The following VPS45 variants were observed in gnomAD, a reference collection of about 807,000 sequenced individuals.
VPS45 encodes the protein vacuolar protein sorting-associated protein 45.
Under a neutral mutation model 75.9 loss-of-function variants are expected in VPS45, and 35 were observed. That is an observed-to-expected ratio of 0.46 (90% CI 0.35 to 0.61). The LOEUF is 0.61. Ranked by LOEUF, VPS45 falls within the 20% of genes least tolerant of loss-of-function variation. The pLI, the probability that VPS45 is intolerant of heterozygous loss-of-function variation, is 0.00. For synonymous variants in VPS45, 220 were observed against 238.2 expected, an observed-to-expected ratio of 0.92 and a Z score of 0.70; for missense variants, 559 against 685.9, an observed-to-expected ratio of 0.81 and a Z score of 2.07.
intron 10 of VPS45, among the ~76,000 whole-genome samples, chr1:150,086,308 C>CTAAT (rs1488259099): frequency 3.3e-5 from 5 of 152,146 alleles, no homozygotes; most frequent in Admixed American, 1.3e-4. Flanking sequence ...GTGCAATGAG[C>CTAAT]TAATACATGT....
At chr1:150,090,195 C>T (rs1296287023) in intron 10 of VPS45, among the ~76,000 whole-genome samples, 1 of 152,216 alleles carries the variant, frequency 6.6e-6, no homozygotes, top group Admixed American at 6.5e-5. Context: ...CCATTTCTTC[C>T]TCTGATTTCC....
At chr1:150,069,623 A>ATT (rs1309615849) in intron 2 of VPS45, among the ~76,000 whole-genome samples, 4 of 148,948 alleles carry the variant, frequency 2.7e-5, no homozygotes, top group African/African-American at 9.9e-5. Flanking sequence ...CGCCCGGCTA[A>ATT]TTTTTTGTAT....
chr1:150,119,194 C>A (rs1553809069), intron 14 of VPS45, among the ~76,000 whole-genome samples: 1 of 152,062 alleles, frequency 6.6e-6, no homozygotes, highest in Non-Finnish European at 1.5e-5. Flanking sequence ...ATGTAGGATA[C>A]CTTGGGTATT....
intron 14 of VPS45, among the ~76,000 whole-genome samples, chr1:150,119,820 A>T (rs1484852284): frequency 1.3e-5 from 2 of 152,072 alleles, no homozygotes; most frequent in Non-Finnish European, 2.9e-5. Flanking sequence ...TCTTAAATAA[A>T]ATCTGAGGCC....
chr1:150,068,031 G>C (rs1654823896), intron 1 of VPS45, 81 bp downstream of exon 1: 2 of 1,376,200 alleles, frequency 1.5e-6, no homozygotes, highest in African/African-American at 1.4e-5. Flanking sequence ...GTAGGACTTA[G>C]CATTTAATTA....
At chr1:150,136,582 A>G (rs1322578931) in intron 14 of VPS45, among the ~76,000 whole-genome samples, 1 of 152,096 alleles carries the variant, frequency 6.6e-6, no homozygotes, top group African/African-American at 2.4e-5. Context: ...AAAATTGAAA[A>G]GTGTTCATGT....
chr1:150,118,512 T>C (rs143912722), intron 14 of VPS45, among the ~76,000 whole-genome samples: 2,133 of 150,212 alleles, frequency 0.014, 48 homozygotes, highest in African/African-American at 0.047. Context: ...TTCAAGCAAT[T>C]CTCCTGCCTC....
chr1:150,068,094 A>G (rs1026629378), intron 1 of VPS45, 144 bp downstream of exon 1: 15 of 821,586 alleles, frequency 1.8e-5, no homozygotes, highest in Admixed American at 5.4e-5. Flanking sequence ...TGTTTATATA[A>G]AGCTTGCCCG....
intron 3 of VPS45, among the ~76,000 whole-genome samples, chr1:150,072,749 C>T (rs111854534): frequency 7.3e-5 from 11 of 150,282 alleles, no homozygotes; most frequent in Admixed American, 5.3e-4. Context: ...AAAAATTTTA[C>T]ATTTTACTTT....
intron 12 of VPS45, among the ~76,000 whole-genome samples, chr1:150,092,968 G>A (rs587713273): frequency 2.7e-5 from 4 of 149,790 alleles, no homozygotes; most frequent in Middle Eastern, 3.4e-3. Context: ...TCAGCCTCTC[G>A]AGTAGCTGGG....
At chr1:150,073,127 A>G (rs1238003037) in intron 3 of VPS45, among the ~76,000 whole-genome samples, 3 of 152,304 alleles carry the variant, frequency 2.0e-5, no homozygotes, top group East Asian at 1.9e-4. Flanking sequence ...TTTTGATCCA[A>G]TACATTCGGC....
chr1:150,140,386 G>GGTGTGTGTGTGTGTGT lies in VPS45; in HGVS notation c.1626-4296_1626-4281dup, dbSNP rs574312693. 2.7e-3 allele frequency among the ~76,000 whole-genome samples: 373 copies of GGTGTGTGTGTGTGTGT among 140,414 alleles called. 3 individuals carry two copies. Among genetic ancestry groups the GGTGTGTGTGTGTGTGT allele is most frequent in the African/African-American group, 6.8e-3 (255 of 37,298 alleles). The allele number at this position is 140,414 out of a possible 152,430, so 92.1% of individuals were successfully genotyped here. A position where few individuals can be genotyped will look rare whatever the true frequency, so the allele number is the denominator to read the frequency against. ...ATTATATCCCAATTCCATCACTTCT[G>GGTGTGTGTGTGTGTGT]GTGTGTGTGTGTGTGTGTGTGTGTG... On this transcript the variant is annotated intron_variant, in intron 14 of 14. Transcript: ENST00000644510.
chr1:150,104,449 A>G lies in VPS45; in HGVS notation c.1494-6047A>G, dbSNP rs184131048. The stretch of plus-strand genomic sequence containing the variant: ...CTTAAGTTGGTTCCATAGCTTTGCT[A>G]TTGTATATAGTGCTGGGATAAACAT... On this transcript the variant is annotated intron_variant, in intron 13 of 14. Transcript: ENST00000644510. Among the ~76,000 whole-genome samples, 226 of 152,226 alleles carry G rather than the reference A, an allele frequency of 1.5e-3. 2 individuals carry two copies. Among genetic ancestry groups the G allele is most frequent in the African/African-American group, 5.1e-3 (210 of 41,536 alleles).
intron 13 of VPS45, among the ~76,000 whole-genome samples, chr1:150,095,906 G>A (rs1553802918): frequency 6.6e-6 from 1 of 152,074 alleles, no homozygotes; most frequent in East Asian, 1.9e-4. Flanking sequence ...TGTTTTAAAA[G>A]ATATTTGTGG....
At chr1:150,098,276 A>G (rs1312013246) in intron 13 of VPS45, among the ~76,000 whole-genome samples, 4 of 151,900 alleles carry the variant, frequency 2.6e-5, no homozygotes, top group African/African-American at 9.7e-5. Context: ...GTAATCTTGA[A>G]GTAAGTATTA....
Position 150,144,966 on chromosome 1 carries a change from T to G in VPS45, c.*170T>G, listed in dbSNP as rs782173923. 8.5e-5 allele frequency: 130 copies of G among 1,526,168 alleles called. 3 individuals are homozygous for G. The East Asian group carries it at 3.0e-3, about 35-fold the overall frequency. 94.5% of individuals were successfully genotyped at this position (1,526,168 alleles called of 1,614,324 possible). ...CACAGACACAAGACTCCCAGAGTTG[T>G]CCTAACAATAAGTCTGAGCCCATCT... is the stretch of plus-strand genomic sequence containing the variant. On this transcript the variant is annotated 3_prime_UTR_variant, in exon 15 of 15. Transcript: ENST00000644510.
At chr1:150,088,575 G>A (rs1012621595) in intron 10 of VPS45, among the ~76,000 whole-genome samples, 4 of 148,050 alleles carry the variant, frequency 2.7e-5, no homozygotes, top group African/African-American at 7.5e-5. Flanking sequence ...TGCCTCCCAG[G>A]CTCAAGCTAC....
intron 14 of VPS45, among the ~76,000 whole-genome samples, chr1:150,127,722 C>T (rs1658592175): frequency 6.6e-6 from 1 of 152,156 alleles, no homozygotes; most frequent in Admixed American, 6.5e-5. Flanking sequence ...AGTCTGTTTC[C>T]AGTATGAGTA....
At chr1:150,067,603 G>A (rs993800982), upstream of VPS45, 8 of 479,860 alleles carry the variant, frequency 1.7e-5, no homozygotes, top group Middle Eastern at 5.4e-4. Flanking sequence ...TCTTCAGGCC[G>A]CAGGTGGGTG....
Sources: allele counts gnomAD v4.1 joint callset (sites outside exome capture counted in the v4.1 genomes callset), GRCh38; gene constraint gnomAD v4.1.1; transcripts MANE v1.5; gene names NCBI Gene and HGNC (gene_info 2026-07-23, HGNC 2026-07-21).